Variants in XKR4 observed in about 807,000 individuals in gnomAD.
XKR4 encodes the protein XK related 4.
Under a neutral mutation model 53.9 loss-of-function variants are expected in XKR4, and 12 were observed. That is an observed-to-expected ratio of 0.22 (90% CI 0.14 to 0.36). The LOEUF is 0.36. Among genes scored for constraint, XKR4 ranks in the 10% least tolerant of loss-of-function variants. The pLI, the probability that XKR4 is intolerant of heterozygous loss-of-function variation, is 1.00. For synonymous variants in XKR4, 354 were observed against 362.4 expected, an observed-to-expected ratio of 0.98 and a Z score of 0.26; for missense variants, 799 against 859.5, an observed-to-expected ratio of 0.93 and a Z score of 0.88.
intron 1 of XKR4, among the ~76,000 whole-genome samples, chr8:55,265,687 T>C (rs1040487685): frequency 1.3e-5 from 2 of 151,688 alleles, no homozygotes; most frequent in Admixed American, 6.6e-5. Context: ...CCTGTCTCTA[T>C]AAAAATTCCT....
Position 55,523,467 on chromosome 8 carries a change from A to C in XKR4, c.1193A>C (p.Gln398Pro). Residue 398 changes from glutamine to proline, a missense_variant, in exon 3 of 3, where the codon CAG becomes CCG. Gln to Pro is a moderately conservative substitution (Grantham distance 76). This residue lies in a region of XKR4 where 54 missense variants were observed against 89.7 expected (regional missense o/e 0.60). Transcript: ENST00000327381. The part of the protein sequence containing the change: ...ITFALFASVF[Q>P]LYFGIFIVLH... ...TTTGCCCTCTTTGCCTCGGTTTTCC[A>C]GCTGTACTTTGGGATCTTCATCGTC... 2 of 1,614,148 alleles carry C rather than the reference A, an allele frequency of 1.2e-6. No homozygotes were observed. The highest frequency in any genetic ancestry group is 1.7e-6 in the Non-Finnish European group (2 of 1,180,020).
chr8:55,125,001 C>T (rs1320032727), intron 1 of XKR4, among the ~76,000 whole-genome samples: 7 of 152,218 alleles, frequency 4.6e-5, no homozygotes, highest in Admixed American at 3.9e-4. Context: ...AAGTGCTAGG[C>T]AGCCAATTGT....
rs776045065 is a variant in XKR4, at chr8:55,475,610, ATTTATTTATTTG to A, written c.1007-47670_1007-47659del. Among the ~76,000 whole-genome samples the A allele has an allele frequency of 9.2e-3, 1,261 of 136,444 alleles. 16 individuals are homozygous for A. Among genetic ancestry groups the A allele is most frequent in the African/African-American group, 0.036 (1,142 of 31,974 alleles). 89.5% of individuals were successfully genotyped at this position (136,444 alleles called of 152,430 possible). A position where few individuals can be genotyped will look rare whatever the true frequency, so the allele number is the denominator to read the frequency against. On this transcript the variant is annotated intron_variant, in intron 2 of 2. Coordinates refer to ENST00000327381, the MANE Select transcript of XKR4 (RefSeq NM_052898.2). The stretch of plus-strand genomic sequence containing the variant: ...TATTTATTTATTTATTTATTTATTT[ATTTATTTATTTG>A]AGATGGAGTCTCACTCTGTTATCTA...
intron 1 of XKR4, among the ~76,000 whole-genome samples, chr8:55,159,276 T>C (rs1398983068): frequency 6.6e-6 from 1 of 152,190 alleles, no homozygotes; most frequent in African/African-American, 2.4e-5. Context: ...CAAACATTTA[T>C]TGAATGTCAA....
chr8:55,462,737 G>A (rs770552162), intron 2 of XKR4, among the ~76,000 whole-genome samples: 42 of 152,080 alleles, frequency 2.8e-4, no homozygotes, highest in Non-Finnish European at 3.4e-4. Flanking sequence ...CCCATCTCAC[G>A]TGCAGAGACA....
chr8:55,434,049 A>T (rs1193411073), intron 2 of XKR4, among the ~76,000 whole-genome samples: 2 of 152,122 alleles, frequency 1.3e-5, no homozygotes, highest in Non-Finnish European at 2.9e-5. Context: ...ATAAATAAAT[A>T]AATTAGCTAT....
At chr8:55,379,494 G>A (rs1804201015) in intron 2 of XKR4, among the ~76,000 whole-genome samples, 1 of 152,200 alleles carries the variant, frequency 6.6e-6, no homozygotes, top group Non-Finnish European at 1.5e-5. Context: ...TTTGCAGAAT[G>A]CCTACTGTGG....
intron 2 of XKR4, among the ~76,000 whole-genome samples, chr8:55,426,274 C>T (rs553921292): frequency 3.3e-5 from 5 of 152,232 alleles, no homozygotes; most frequent in East Asian, 1.9e-4. Context: ...CTCCCCACTG[C>T]CTTTGCCTGG....
chr8:55,509,236 T>C (rs1336084923), intron 2 of XKR4, among the ~76,000 whole-genome samples: 1 of 152,216 alleles, frequency 6.6e-6, no homozygotes, highest in Non-Finnish European at 1.5e-5. Context: ...CAAGGTTCTT[T>C]CTTGCCATTT....
In XKR4 at chr8:55,127,338, C is replaced by T. The variant is rs192587569; in HGVS notation, c.806+24044C>T. Among the ~76,000 whole-genome samples, 954 of 151,730 alleles carry T rather than the reference C, an allele frequency of 6.3e-3. 2 individuals carry two copies. Among genetic ancestry groups the T allele is most frequent in the Non-Finnish European group, 0.011 (732 of 67,910 alleles). The stretch of plus-strand genomic sequence containing the variant: ...CATGATCTCGGCTCACTGCAACCTC[C>T]GCCTCCTGGGCTTAAGCAATTCTCC... On this transcript the variant is annotated intron_variant, in intron 1 of 2. Coordinates refer to ENST00000327381, the MANE Select transcript of XKR4 (RefSeq NM_052898.2).
chr8:55,471,038 T>A (rs987354590), intron 2 of XKR4, among the ~76,000 whole-genome samples: 1 of 152,100 alleles, frequency 6.6e-6, no homozygotes, highest in African/African-American at 2.4e-5. Flanking sequence ...GGCAACAATA[T>A]AGAGTTGCAC....
intron 2 of XKR4, among the ~76,000 whole-genome samples, chr8:55,500,122 C>T (rs151276554): frequency 3.5e-5 from 5 of 144,340 alleles, no homozygotes; most frequent in African/African-American, 5.3e-5. Flanking sequence ...AGGAAGGGCA[C>T]GATGAGGAGC....
intron 1 of XKR4, among the ~76,000 whole-genome samples, chr8:55,165,475 A>G (rs562001985): frequency 6.6e-6 from 1 of 152,190 alleles, no homozygotes; most frequent in East Asian, 1.9e-4. Context: ...CTTGCAAAGT[A>G]TCATGAAATA....
intron 1 of XKR4, among the ~76,000 whole-genome samples, chr8:55,233,830 G>A (rs751793466): frequency 1.3e-5 from 2 of 152,106 alleles, no homozygotes; most frequent in Non-Finnish European, 2.9e-5. Flanking sequence ...CATACCTGTT[G>A]CTAACACACT....
intron 2 of XKR4, among the ~76,000 whole-genome samples, chr8:55,382,627 G>T (rs1044894119): frequency 6.6e-6 from 1 of 152,154 alleles, no homozygotes; most frequent in East Asian, 1.9e-4. Context: ...TAACTGATAA[G>T]CATCTTAAGG....
At chr8:55,357,095 T>A (rs1169805519) in intron 1 of XKR4, among the ~76,000 whole-genome samples, 2 of 152,238 alleles carry the variant, frequency 1.3e-5, no homozygotes, top group African/African-American at 4.8e-5. Context: ...TCAAAAATTA[T>A]ATGCAGATTT....
In XKR4 at chr8:55,102,145, C is replaced by T. The variant is rs1475289532; in HGVS notation, c.-344C>T. ...GCCGCGGCGGCCGCTGCTGCTCCTG[C>T]TGCTGGCGGCGGCGGCGGCTCGGGC... On this transcript the variant is annotated 5_prime_UTR_variant, in exon 1 of 3. Transcript: ENST00000327381. The surrounding 1 kb of genome is among the most constrained non-coding windows in gnomAD (Gnocchi z 5.1). Among the ~76,000 whole-genome samples, 1 of 149,834 alleles carries T rather than the reference C, an allele frequency of 6.7e-6. No individual in the cohort carries two copies. Among genetic ancestry groups the T allele is most frequent in the African/African-American group, 2.4e-5 (1 of 41,050 alleles).
chr8:55,374,683 G>A (rs982069058), intron 2 of XKR4, among the ~76,000 whole-genome samples: 2 of 152,210 alleles, frequency 1.3e-5, no homozygotes, highest in Admixed American at 1.3e-4. Context: ...ATGCCCTTGA[G>A]GGACCTGTGG....
chr8:55,460,011 G>GAAA (rs34496086), intron 2 of XKR4, among the ~76,000 whole-genome samples: 188 of 134,026 alleles, frequency 1.4e-3, no homozygotes, highest in East Asian at 6.5e-3. Context: ...GCCAAATGCT[G>GAAA]AAAAAAAAAA....
Sources: gnomAD v4.1 joint callset for allele counts (sites outside exome capture counted in the v4.1 genomes callset) on GRCh38, gnomAD v4.1.1 for gene constraint, gnomAD v4.1.1 regional missense constraint, Gnocchi (gnomAD v3.1) non-coding constraint, MANE v1.5 for transcripts, NCBI Gene and HGNC (gene_info 2026-07-23, HGNC 2026-07-21) for gene names.